Variants in EYA2 observed in about 807,000 individuals in gnomAD.
EYA2 encodes EYA transcriptional coactivator and phosphatase 2.
In EYA2, 31 loss-of-function variants were observed where a neutral mutation model predicts 69.2. The ratio of observed to expected loss-of-function variants is 0.45; its 90% confidence interval spans 0.34 to 0.60. The LOEUF (loss-of-function observed/expected upper bound fraction) is 0.60, where lower values mean the gene tolerates loss of function less well. Ranked by LOEUF, EYA2 falls within the 20% of genes least tolerant of loss-of-function variation. The pLI is 0.02. For synonymous variants in EYA2, 257 were observed against 279.4 expected (o/e 0.92, Z 0.80); for missense variants, 622 against 701.2 (o/e 0.89, Z 1.28).
At chr20:47,089,522 G>A in intron 8 of EYA2, 141 bp downstream of exon 8, 4 of 994,950 alleles carry the variant, frequency 4.0e-6, no homozygotes, top group Middle Eastern at 3.3e-4. Flanking sequence ...GGAAGCATGA[G>A]GTTGTCCAAG....
In EYA2 at chr20:47,122,884, TA is replaced by T. The variant is rs2033089096; in HGVS notation, c.889-20174del. On this transcript the variant is annotated intron_variant, in intron 9 of 15. Coordinates refer to ENST00000327619, the MANE Select transcript of EYA2 (RefSeq NM_005244.5). ...CATATGGGCCACAGAGCCTAAAATA[TA>T]TGCTTTCCAAACCTTTATAGAAAAA... is the stretch of plus-strand genomic sequence containing the variant. Among the ~76,000 whole-genome samples the T allele has an allele frequency of 2.0e-5, 3 of 152,198 alleles. No homozygotes were observed. The South Asian group carries it at 6.2e-4, about 31-fold the overall frequency.
chr20:46,895,794 T>C (rs1220229203), intron 1 of EYA2, among the ~76,000 whole-genome samples: 2 of 152,202 alleles, frequency 1.3e-5, no homozygotes, highest in African/African-American at 4.8e-5. Context: ...CAAGGAATAC[T>C]AGGAAAGCGT....
At chr20:46,914,821 C>T (rs1222697519) in intron 1 of EYA2, among the ~76,000 whole-genome samples, 2 of 152,174 alleles carry the variant, frequency 1.3e-5, no homozygotes, top group East Asian at 3.9e-4. Context: ...GCACTTAGCA[C>T]TGTGCCAGCC....
intron 5 of EYA2, among the ~76,000 whole-genome samples, chr20:47,060,722 G>T (rs781196171): frequency 6.6e-5 from 10 of 152,236 alleles, no homozygotes; most frequent in Non-Finnish European, 1.3e-4. Context: ...CACTGTGCCT[G>T]CAGCACCTCC....
chr20:46,936,975 G>A (rs897110043), intron 1 of EYA2, among the ~76,000 whole-genome samples: 1 of 152,200 alleles, frequency 6.6e-6, no homozygotes, highest in Non-Finnish European at 1.5e-5. Flanking sequence ...AGCTCGGGGC[G>A]CAGTCCAAAG....
At chr20:47,061,534 G>GA (rs200501954) in intron 5 of EYA2, among the ~76,000 whole-genome samples, 4,364 of 146,518 alleles carry the variant, frequency 0.03, 147 homozygotes, top group African/African-American at 0.088. Flanking sequence ...TGTCTCAACT[G>GA]AAAAAAAAAA....
intron 7 of EYA2, among the ~76,000 whole-genome samples, chr20:47,085,560 C>T (rs1304728084): frequency 1.3e-5 from 2 of 151,670 alleles, no homozygotes; most frequent in Non-Finnish European, 2.9e-5. Context: ...GCAGGAGAAT[C>T]GCTTGAACCG....
intron 5 of EYA2, among the ~76,000 whole-genome samples, chr20:47,051,894 G>A (rs2030354143): frequency 6.6e-6 from 1 of 152,208 alleles, no homozygotes; most frequent in Admixed American, 6.5e-5. Context: ...ACAGCTCGGG[G>A]CTCAGCATAG....
intron 1 of EYA2, among the ~76,000 whole-genome samples, chr20:46,946,135 ACTT>A (rs949716024): frequency 6.6e-6 from 1 of 151,772 alleles, no homozygotes; most frequent in African/African-American, 2.4e-5. Flanking sequence ...TTATATTTGA[ACTT>A]CTTCCTCCTC....
At chr20:46,949,628 G>C (rs1404767171) in intron 1 of EYA2, among the ~76,000 whole-genome samples, 2 of 152,176 alleles carry the variant, frequency 1.3e-5, no homozygotes, top group African/African-American at 4.8e-5. Flanking sequence ...GGAGCTAGAT[G>C]GTGGGGTAAC....
At chr20:47,125,163 C>T (rs1277013821) in intron 9 of EYA2, among the ~76,000 whole-genome samples, 1 of 151,454 alleles carries the variant, frequency 6.6e-6, no homozygotes, top group East Asian at 2.0e-4. Flanking sequence ...ACGCCATTCT[C>T]CTGCCTTAGC....
At chr20:46,935,174 G>T (rs1308845814) in intron 1 of EYA2, among the ~76,000 whole-genome samples, 2 of 152,204 alleles carry the variant, frequency 1.3e-5, no homozygotes, top group African/African-American at 4.8e-5. Context: ...CCTTTGCTAT[G>T]TAGAGTGAGT....
chr20:47,111,059 C>G (rs561506112), intron 9 of EYA2, among the ~76,000 whole-genome samples: 8 of 152,328 alleles, frequency 5.3e-5, no homozygotes, highest in African/African-American at 1.4e-4. Flanking sequence ...TAATAATTTT[C>G]CTTCATAGTT....
intron 9 of EYA2, among the ~76,000 whole-genome samples, chr20:47,124,011 G>GC (rs1198227777): frequency 1.3e-5 from 2 of 151,964 alleles, no homozygotes; most frequent in Admixed American, 1.3e-4. Flanking sequence ...GGAGTGGGGG[G>GC]CCTAATGAAC....
intron 5 of EYA2, among the ~76,000 whole-genome samples, chr20:47,068,207 C>T (rs2031185939): frequency 6.6e-6 from 1 of 152,148 alleles, no homozygotes; most frequent in African/African-American, 2.4e-5. Context: ...ATACAAAGTG[C>T]CTAATACAGT....
intron 2 of EYA2, among the ~76,000 whole-genome samples, chr20:46,999,269 T>C (rs1405500186): frequency 6.6e-6 from 1 of 152,116 alleles, no homozygotes; most frequent in East Asian, 1.9e-4. Flanking sequence ...TTACGAGGAA[T>C]GAGATTGTGG....
At chr20:47,004,364 GC>G (rs1346332982) in intron 3 of EYA2, among the ~76,000 whole-genome samples, 5 of 152,214 alleles carry the variant, frequency 3.3e-5, no homozygotes, top group African/African-American at 1.2e-4. Context: ...TTGATTGACA[GC>G]CCTGTTAAAG....
intron 9 of EYA2, among the ~76,000 whole-genome samples, chr20:47,110,644 T>C (rs917042627): frequency 6.6e-6 from 1 of 152,238 alleles, no homozygotes; most frequent in Admixed American, 6.5e-5. Flanking sequence ...GCACAGGGAC[T>C]GGGTCTGATG....
chr20:47,100,226 A>G (rs1015368426), intron 9 of EYA2, among the ~76,000 whole-genome samples: 10 of 152,252 alleles, frequency 6.6e-5, no homozygotes, highest in Non-Finnish European at 1.5e-4. Flanking sequence ...GTTTGAAAAA[A>G]TGTGAATGTG....
Sources: allele counts gnomAD v4.1 joint callset (sites outside exome capture counted in the v4.1 genomes callset), GRCh38; gene constraint gnomAD v4.1.1; transcripts MANE v1.5; gene names NCBI Gene and HGNC (gene_info 2026-07-23, HGNC 2026-07-21).